Variants in RIMKLB observed in about 807,000 individuals in gnomAD.
RIMKLB encodes ribosomal modification protein rimK like family member B.
In RIMKLB, 7 loss-of-function variants were observed where a neutral mutation model predicts 32.0. That is an observed-to-expected ratio of 0.22 (90% CI 0.12 to 0.41). The LOEUF (loss-of-function observed/expected upper bound fraction) is 0.41. Among genes scored for constraint, RIMKLB ranks in the 10% least tolerant of loss-of-function variants. The pLI is 1.00. For missense variants in RIMKLB, 289 were observed against 498.7 expected (o/e 0.58, Z 4.00); for synonymous variants, 172 against 185.1 (o/e 0.93, Z 0.57).
chr12:8,677,245 G>A (rs767110155), upstream of RIMKLB, among the ~76,000 whole-genome samples: 4 of 152,138 alleles, frequency 2.6e-5, no homozygotes, highest in South Asian at 8.3e-4. Flanking sequence ...TCATCTTCCC[G>A]CACAGTGCAC....
Position 8,774,572 on chromosome 12 carries a change from C to CTT in RIMKLB, c.*803_*804dup, listed in dbSNP as rs56912350. On this transcript the variant is annotated 3_prime_UTR_variant, in exon 6 of 6. Transcript: ENST00000535829. The stretch of plus-strand genomic sequence containing the variant: ...TGAAAGATGTGCTCTGTTAATGTTG[C>CTT]TTTTTTTTTTTTTTTTAATACATGC... The CTT allele has an allele frequency of 2.3e-4, 203 of 888,876 alleles. No homozygotes were observed. The highest frequency in any genetic ancestry group is 3.9e-4 in the African/African-American group (18 of 46,590). 55.1% of individuals were successfully genotyped at this position (888,876 alleles called of 1,614,324 possible).
rs147729374 is a variant in RIMKLB, at chr12:8,751,097, A to G, written c.407-860A>G. Among the ~76,000 whole-genome samples, 777 of 152,312 alleles carry G rather than the reference A, an allele frequency of 5.1e-3. 11 individuals are homozygous for G. Among genetic ancestry groups the G allele is most frequent in the African/African-American group, 0.017 (727 of 41,574 alleles). ...TTGCATAAGAAGAGACAGAATTAATATAAGTTGAGAATTCTGTGTTTTTAG... is the reference window on the plus strand; with the variant it reads ...TTGCATAAGAAGAGACAGAATTAATGTAAGTTGAGAATTCTGTGTTTTTAG... On this transcript the variant is annotated intron_variant, in intron 3 of 5. Coordinates refer to ENST00000535829, the MANE Select transcript of RIMKLB (RefSeq NM_001297776.2).
intron 2 of RIMKLB, among the ~76,000 whole-genome samples, chr12:8,720,590 C>T (rs1303229756): frequency 1.3e-5 from 2 of 152,230 alleles, no homozygotes; most frequent in East Asian, 1.9e-4. Flanking sequence ...TCGCCCAGGC[C>T]GGAGTGCAGT....
chr12:8,669,024 GT>G, the RIMKLB span: 1 of 151,154 alleles, frequency 6.6e-6, no homozygotes, highest in Non-Finnish European at 1.5e-5. Context: ...ATATTTCTTA[GT>G]CCATTTGTGT....
At chr12:8,718,676 T>G (rs1325612975) in intron 2 of RIMKLB, among the ~76,000 whole-genome samples, 1 of 104,658 alleles carries the variant, frequency 9.6e-6, no homozygotes, top group Non-Finnish European at 2.3e-5. Flanking sequence ...TATATGTGTG[T>G]GTGTGTGTGT....
At chr12:8,672,740 G>A in the RIMKLB span, among the ~76,000 whole-genome samples, 1 of 152,058 alleles carries the variant, frequency 6.6e-6, no homozygotes, top group Non-Finnish European at 1.5e-5. Flanking sequence ...TGGTTGTTTG[G>A]AAGTGTGCTA....
intron 1 of RIMKLB, among the ~76,000 whole-genome samples, chr12:8,705,340 G>A (rs1943769317): frequency 6.6e-6 from 1 of 152,022 alleles, no homozygotes; most frequent in African/African-American, 2.4e-5. Context: ...AGCCGGGTGT[G>A]GTGGCACACG....
At chr12:8,717,283 G>T (rs1258395775) in intron 2 of RIMKLB, among the ~76,000 whole-genome samples, 1 of 152,016 alleles carries the variant, frequency 6.6e-6, no homozygotes, top group Non-Finnish European at 1.5e-5. Flanking sequence ...TTAAATGGAT[G>T]AATTTTACAA....
intron 1 of RIMKLB, among the ~76,000 whole-genome samples, chr12:8,711,340 A>C (rs1944358206): frequency 2.0e-5 from 3 of 151,846 alleles, no homozygotes. Context: ...TTGAGGCTGC[A>C]ATGGGCTATG....
intron 1 of RIMKLB, among the ~76,000 whole-genome samples, chr12:8,682,733 C>CT (rs1351673248): frequency 6.7e-6 from 1 of 149,018 alleles, no homozygotes; most frequent in African/African-American, 2.5e-5. Context: ...GATCGCGCCA[C>CT]TGCAGCCCCG....
chr12:8,696,612 G>A (rs1942897950), upstream of RIMKLB, among the ~76,000 whole-genome samples: 1 of 152,184 alleles, frequency 6.6e-6, no homozygotes, highest in African/African-American at 2.4e-5. Context: ...AAGATACAGA[G>A]AGGTTAAGTT....
chr12:8,756,954 G>A (rs1949088623), intron 5 of RIMKLB, among the ~76,000 whole-genome samples: 2 of 152,004 alleles, frequency 1.3e-5, no homozygotes. Context: ...ATTGCTGGAA[G>A]CCACCAGGTG....
intron 2 of RIMKLB, among the ~76,000 whole-genome samples, chr12:8,741,004 C>T (rs752793641): frequency 1.3e-5 from 2 of 152,158 alleles, no homozygotes; most frequent in African/African-American, 4.8e-5. Context: ...GTCAGGAGTT[C>T]GAGACCAGCC....
chr12:8,670,045 A>AG, the RIMKLB span, among the ~76,000 whole-genome samples: 1 of 151,092 alleles, frequency 6.6e-6, no homozygotes, highest in African/African-American at 2.4e-5. Flanking sequence ...AAAAAAAAAA[A>AG]AAAAAAGAAG....
At chr12:8,765,361 G>T (rs1949867975) in intron 5 of RIMKLB, among the ~76,000 whole-genome samples, 1 of 152,146 alleles carries the variant, frequency 6.6e-6, no homozygotes, top group Non-Finnish European at 1.5e-5. Flanking sequence ...CTGCCTGCTG[G>T]CCTTGGGGAA....
chr12:8,697,693 C>A, upstream of RIMKLB: 1 of 301,538 alleles, frequency 3.3e-6, no homozygotes, highest in African/African-American at 2.2e-5. Context: ...TTTCGCTCCC[C>A]GCGCGCGATC....
chr12:8,777,227 T>TC, downstream of RIMKLB: 1 of 971,098 alleles, frequency 1.0e-6, no homozygotes, highest in Non-Finnish European at 1.2e-6. Context: ...TTTTTTTTTT[T>TC]TTTTTTTTTT....
At chr12:8,723,804 CTTTTTTTTTTT>C (rs35269536) in intron 2 of RIMKLB, among the ~76,000 whole-genome samples, 3 of 75,502 alleles carry the variant, frequency 4.0e-5, no homozygotes, top group Non-Finnish European at 7.0e-5. Context: ...CTTCAGTTCC[CTTTTTTTTTTT>C]TTTTTTTTTT....
At chr12:8,756,021 C>T (rs1181530937) in intron 5 of RIMKLB, among the ~76,000 whole-genome samples, 1 of 151,832 alleles carries the variant, frequency 6.6e-6, no homozygotes, top group African/African-American at 2.4e-5. Flanking sequence ...GGTGCAGTGG[C>T]ACATTCCTGT....
Sources: allele counts gnomAD v4.1 joint callset (sites outside exome capture counted in the v4.1 genomes callset), GRCh38; gene constraint gnomAD v4.1.1; transcripts MANE v1.5; gene names NCBI Gene and HGNC (gene_info 2026-07-23, HGNC 2026-07-21).